SYNPR: variants seen among roughly 807,000 people sequenced by gnomAD.
SYNPR encodes synaptoporin.
Under a neutral mutation model 32.9 loss-of-function variants are expected in SYNPR, and 23 were observed. The observed-to-expected ratio is 0.70, with a 90% CI of 0.50 to 0.99. SYNPR has a LOEUF of 0.99. SYNPR is among the 50% of genes least tolerant of loss of function. SYNPR has a pLI of 0.00. For synonymous variants in SYNPR, 146 were observed against 135.9 expected (o/e 1.07, Z -0.52); for missense variants, 318 against 349.3 (o/e 0.91, Z 0.71).
chr3:63,293,808 A>T (rs2086766740), intron 2 of SYNPR, among the ~76,000 whole-genome samples: 1 of 151,792 alleles, frequency 6.6e-6, no homozygotes, highest in Non-Finnish European at 1.5e-5. Context: ...TGTGTGCCTA[A>T]AATTTCCCTT....
At chr3:63,285,005 C>T (rs17302914) in intron 2 of SYNPR, among the ~76,000 whole-genome samples, 44,172 of 152,098 alleles carry the variant, frequency 0.29, 6,853 homozygotes, top group South Asian at 0.46. Context: ...AGCCTCACTC[C>T]CAACTTCATT....
intron 2 of SYNPR, among the ~76,000 whole-genome samples, chr3:63,387,168 A>C (rs1197710636): frequency 2.0e-5 from 3 of 152,208 alleles, no homozygotes; most frequent in African/African-American, 7.2e-5. Flanking sequence ...CAACCCCATA[A>C]GAGTTTTCTA....
chr3:63,322,368 T>C (rs2087119677), intron 2 of SYNPR, among the ~76,000 whole-genome samples: 1 of 152,032 alleles, frequency 6.6e-6, no homozygotes, highest in African/African-American at 2.4e-5. Context: ...CTCCCATAGA[T>C]GTTCATGGAG....
intron 3 of SYNPR, among the ~76,000 whole-genome samples, chr3:63,556,253 G>A (rs1168421934): frequency 6.6e-6 from 1 of 152,146 alleles, no homozygotes. Context: ...TCAGCAGGGG[G>A]ATGTCGTTGT....
At chr3:63,404,116 C>A (rs889312965) in intron 2 of SYNPR, among the ~76,000 whole-genome samples, 1 of 152,126 alleles carries the variant, frequency 6.6e-6, no homozygotes, top group African/African-American at 2.4e-5. Context: ...GGCAACAGAG[C>A]ATTCGTTTTT....
rs1016037281 is a variant in SYNPR at position 63,609,263 on chromosome 3, A to T, written c.547A>T (p.Asn183Tyr). ...LLMSACKQPS[N>Y]KCMAIHSPVM... The stretch of plus-strand genomic sequence containing the variant: ...AATGTCAGCTTGCAAACAGCCATCC[A>T]ACAAATGCATGGCTATCCACAGCCC... The change falls in exon 5 of 6, where the codon AAC becomes TAC. Residue 183 changes from asparagine to tyrosine, a missense_variant. Coordinates refer to ENST00000478300, the MANE Select transcript of SYNPR (RefSeq NM_001130003.2). The T allele has an allele frequency of 6.2e-7, 1 of 1,605,486 alleles. No individual in the cohort carries two copies. Among genetic ancestry groups the T allele is most frequent in the Non-Finnish European group, 8.5e-7 (1 of 1,175,674 alleles).
rs140193057 is a variant in SYNPR at position 63,413,186 on chromosome 3, A to AT, written c.85-67641dup. Among the ~76,000 whole-genome samples the AT allele has an allele frequency of 1.3e-3, 205 of 152,288 alleles. 1 individual carries two copies. The highest frequency in any genetic ancestry group is 0.01 in the Middle Eastern group (3 of 294). On this transcript the variant is annotated intron_variant, in intron 2 of 5. Transcript: ENST00000478300. Reference sequence around the variant, plus strand: ...AAATAACCTTCCTCATTAAAAAACCATTTTTCCATCACGAAGCAAATTTGG... The same window carrying AT: ...AAATAACCTTCCTCATTAAAAAACCATTTTTTCCATCACGAAGCAAATTTGG...
the SYNPR span, among the ~76,000 whole-genome samples, chr3:63,205,153 A>G: frequency 6.6e-6 from 1 of 152,048 alleles, no homozygotes; most frequent in Non-Finnish European, 1.5e-5. Context: ...TATGTGTGTG[A>G]TTATTGTTTT....
At chr3:63,279,902 T>C (rs1176491180) in intron 2 of SYNPR, among the ~76,000 whole-genome samples, 1 of 152,250 alleles carries the variant, frequency 6.6e-6, no homozygotes, top group Non-Finnish European at 1.5e-5. Context: ...AAGGCTTGAA[T>C]TAGTGGTTCA....
At chr3:63,361,121 G>A (rs1391099668) in intron 2 of SYNPR, among the ~76,000 whole-genome samples, 3 of 152,134 alleles carry the variant, frequency 2.0e-5, no homozygotes, top group Non-Finnish European at 4.4e-5. Context: ...AAATATCCAG[G>A]AGATTCAGAA....
intron 2 of SYNPR, among the ~76,000 whole-genome samples, chr3:63,433,635 G>A (rs928809940): frequency 1.7e-4 from 26 of 152,120 alleles, no homozygotes; most frequent in African/African-American, 4.8e-4. Context: ...GAGCTGCTTC[G>A]TGGTGGCTTC....
intron 3 of SYNPR, among the ~76,000 whole-genome samples, chr3:63,269,900 A>G (rs2086520347): frequency 6.6e-6 from 1 of 152,020 alleles, no homozygotes. Context: ...CTCTGTGCCT[A>G]TTATGTGCCA....
At chr3:63,262,636 G>A (rs1419761188) in intron 2 of SYNPR, among the ~76,000 whole-genome samples, 1 of 152,142 alleles carries the variant, frequency 6.6e-6, no homozygotes, top group Non-Finnish European at 1.5e-5. Flanking sequence ...CCTCCCTGTG[G>A]CAAGAGTGAT....
At chr3:63,370,409 C>T (rs955566505) in intron 2 of SYNPR, among the ~76,000 whole-genome samples, 2 of 152,086 alleles carry the variant, frequency 1.3e-5, no homozygotes, top group African/African-American at 2.4e-5. Flanking sequence ...GGTGAGTTTT[C>T]AAAAAACACA....
chr3:63,353,054 T>G (rs1406808219), intron 2 of SYNPR, among the ~76,000 whole-genome samples: 2 of 152,262 alleles, frequency 1.3e-5, no homozygotes, highest in Non-Finnish European at 2.9e-5. Flanking sequence ...GTATATATTA[T>G]GTAAAGATGG....
At chr3:63,597,148 C>A (rs1847728) in intron 4 of SYNPR, among the ~76,000 whole-genome samples, 1,852 of 151,960 alleles carry the variant, frequency 0.012, 29 homozygotes, top group African/African-American at 0.037. Context: ...TTACATATGC[C>A]GCTCCTATTT....
chr3:63,374,757 T>TA (rs1387567685), intron 2 of SYNPR, among the ~76,000 whole-genome samples: 1 of 152,210 alleles, frequency 6.6e-6, no homozygotes, highest in Non-Finnish European at 1.5e-5. Context: ...AGTTTACAGT[T>TA]ACATTCTACT....
intron 2 of SYNPR, among the ~76,000 whole-genome samples, chr3:63,390,073 G>T (rs2088111323): frequency 6.6e-6 from 1 of 152,062 alleles, no homozygotes; most frequent in African/African-American, 2.4e-5. Flanking sequence ...CTTTTCACAG[G>T]ATATTTAATA....
chr3:63,218,428 G>C, the SYNPR span, among the ~76,000 whole-genome samples: 1 of 152,166 alleles, frequency 6.6e-6, no homozygotes. Context: ...CCAGTTCTCT[G>C]TATGTTCTAC....
Sources: gnomAD v4.1 joint callset for allele counts (sites outside exome capture counted in the v4.1 genomes callset) on GRCh38, gnomAD v4.1.1 for gene constraint, MANE v1.5 for transcripts, NCBI Gene and HGNC (gene_info 2026-07-23, HGNC 2026-07-21) for gene names.